The following IL4R variants were observed in gnomAD, a reference collection of about 807,000 sequenced individuals.
The protein encoded by IL4R is interleukin 4 receptor.
In IL4R, 17 loss-of-function variants were observed where a neutral mutation model predicts 41.5. The ratio of observed to expected loss-of-function variants is 0.41; its 90% CI spans 0.28 to 0.61. The LOEUF is 0.61. Ranked by LOEUF, IL4R falls within the 20% of genes least tolerant of loss-of-function variation. The pLI is 0.31. For synonymous variants in IL4R, 402 were observed against 422.9 expected (o/e 0.95, Z 0.61); for missense variants, 974 against 1,043.1 (o/e 0.93, Z 0.91).
intron 1 of IL4R, among the ~76,000 whole-genome samples, chr16:27,329,140 T>C (rs985935396): frequency 1.3e-5 from 2 of 152,034 alleles, no homozygotes; most frequent in Non-Finnish European, 2.9e-5. Context: ...GGCACCTCCC[T>C]CCTCTCTCTT....
intron 1 of IL4R, among the ~76,000 whole-genome samples, chr16:27,325,977 C>G (rs1240934655): frequency 6.6e-6 from 1 of 152,138 alleles, no homozygotes; most frequent in East Asian, 1.9e-4. Context: ...CCTTCCTGTT[C>G]TCTCTCCCGC....
intron 10 of IL4R, chr16:27,361,073 C>T (rs892846468): frequency 4.4e-6 from 6 of 1,372,008 alleles, no homozygotes; most frequent in South Asian, 3.2e-5. Context: ...CCAGAGCAGC[C>T]GTGCCTGTTG....
chr16:27,351,098 G>A (rs1297769783), intron 6 of IL4R, among the ~76,000 whole-genome samples: 1 of 152,154 alleles, frequency 6.6e-6, no homozygotes, highest in Non-Finnish European at 1.5e-5. Context: ...TCAAGGTGTG[G>A]GATGGGGCTG....
intron 1 of IL4R, among the ~76,000 whole-genome samples, chr16:27,314,446 T>C (rs116289315): frequency 0.026 from 3,949 of 152,302 alleles, 164 homozygotes; most frequent in African/African-American, 0.089. Context: ...ATTTGAGTAG[T>C]AGGTCAGTGA....
rs771597376 is a variant in IL4R at position 27,345,041 on chromosome 16, CA to C, written c.361+22del. 1 of 1,487,362 alleles carries C rather than the reference CA, an allele frequency of 6.7e-7. No homozygotes were observed. The highest frequency in any genetic ancestry group is 9.0e-7 in the Non-Finnish European group (1 of 1,106,188). The allele number at this position is 1,487,362 out of a possible 1,614,324, so 92.1% of individuals were successfully genotyped here. A position where few individuals can be genotyped will look rare whatever the true frequency, so the allele number is the denominator to read the frequency against. On this transcript the variant is annotated intron_variant, in intron 5 of 10. Coordinates refer to ENST00000395762, the MANE Select transcript of IL4R (RefSeq NM_000418.4). The surrounding 1 kb of genome is among the most constrained non-coding windows in gnomAD (Gnocchi z 4.5). Reference sequence around the variant, plus strand: ...GCATGGTGAGCAGGGCGGAGTGCGGCAGGGGTGGCTGGGTGTGTTCCCACAG... The same window carrying C: ...GCATGGTGAGCAGGGCGGAGTGCGGCGGGGTGGCTGGGTGTGTTCCCACAG...
chr16:27,355,488 T>A (rs575440905), intron 7 of IL4R: 28 of 355,356 alleles, frequency 7.9e-5, no homozygotes, highest in Non-Finnish European at 1.5e-4. Context: ...GGACTTGTCC[T>A]GTGTCACACA....
intron 2 of IL4R, among the ~76,000 whole-genome samples, chr16:27,338,280 C>T (rs372251285): frequency 3.3e-5 from 5 of 151,414 alleles, no homozygotes; most frequent in South Asian, 2.1e-4. Context: ...TGCAGTGGTA[C>T]GGTCTTGGCT....
At chr16:27,359,052 A>T in intron 9 of IL4R, 58 bp downstream of exon 9, 1 of 1,334,062 alleles carries the variant, frequency 7.5e-7, no homozygotes, top group Non-Finnish European at 1.1e-6. Context: ...AGTGTGGTTC[A>T]GAACACCTGG....
rs1356931972 is a variant in IL4R, at chr16:27,340,263, G to A, written c.60G>A (p.Val20=). The change falls in exon 3 of 11, where the codon GTG becomes GTA. Residue 20 remains valine (V), a synonymous_variant. Transcript: ENST00000395762. ...TGAGCTGCCTGGTCCTGCTGCAGGT[G>A]GCAAGCTCTGGTAAGTCACCACTTC... The part of the protein sequence containing the change: ...FPVSCLVLLQ[V]ASSGNMKVLQ... 6.2e-7 allele frequency: 1 copy of A among 1,613,618 alleles called. No individual in the cohort carries two copies. Among genetic ancestry groups the A allele is most frequent in the Admixed American group, 1.7e-5 (1 of 59,988 alleles).
At chr16:27,315,935 G>C (rs1174636179) in intron 1 of IL4R, among the ~76,000 whole-genome samples, 1 of 152,130 alleles carries the variant, frequency 6.6e-6, no homozygotes, top group Non-Finnish European at 1.5e-5. Flanking sequence ...GATAACCTAA[G>C]GGTTTCCAAA....
At chr16:27,334,346 C>T (rs1430052446) in intron 2 of IL4R, 1 of 152,198 alleles carries the variant, frequency 6.6e-6, no homozygotes, top group Middle Eastern at 3.2e-3. Context: ...CATCTGTGAT[C>T]TCTCCTGAAA....
At chr16:27,325,598 A>G (rs973456730) in intron 1 of IL4R, among the ~76,000 whole-genome samples, 2 of 152,080 alleles carry the variant, frequency 1.3e-5, no homozygotes, top group Non-Finnish European at 2.9e-5. Flanking sequence ...AACCTTCAGA[A>G]TCATAAAATG....
intron 9 of IL4R, chr16:27,359,902 G>A (rs992392263): frequency 1.3e-5 from 6 of 447,632 alleles, no homozygotes; most frequent in Non-Finnish European, 2.7e-5. Context: ...CTGGCATTTG[G>A]GGCTGGGCTC....
chr16:27,333,152 T>A (rs1268124012), intron 2 of IL4R, among the ~76,000 whole-genome samples: 1 of 152,014 alleles, frequency 6.6e-6, no homozygotes, highest in African/African-American at 2.4e-5. Flanking sequence ...TTGTGAGATG[T>A]AACAGTCTAT....
At chr16:27,361,469 A>C (rs1204551376) in intron 10 of IL4R, among the ~76,000 whole-genome samples, 1 of 152,056 alleles carries the variant, frequency 6.6e-6, no homozygotes, top group African/African-American at 2.4e-5. Flanking sequence ...TACCAAAAAA[A>C]GTTTTTGTAA....
At chr16:27,353,626 C>A (rs929416009) in intron 7 of IL4R, among the ~76,000 whole-genome samples, 1 of 152,040 alleles carries the variant, frequency 6.6e-6, no homozygotes, top group African/African-American at 2.4e-5. Context: ...GGTCTCTTCC[C>A]TCCATTCTTT....
At position 27,364,148 on chromosome 16, in the gene IL4R, C is replaced by T. The variant is rs2086418070; in HGVS notation, c.*318C>T. 9.5e-6 allele frequency: 3 copies of T among 316,194 alleles called. No homozygotes were observed. The highest frequency in any genetic ancestry group is 4.5e-5 in the Admixed American group (1 of 21,984). 19.6% of individuals were successfully genotyped at this position (316,194 alleles called of 1,614,324 possible). A position where few individuals can be genotyped will look rare whatever the true frequency, so the allele number is the denominator to read the frequency against. On this transcript the variant is annotated 3_prime_UTR_variant, in exon 11 of 11. Coordinates refer to ENST00000395762, the MANE Select transcript of IL4R (RefSeq NM_000418.4). The stretch of plus-strand genomic sequence containing the variant: ...GTGAACGAGTTGTTGGCTGCTCCCT[C>T]CACAGCTTCTGCAGCAGACTGTCCC...
chr16:27,348,722 G>A (rs1203753743), intron 6 of IL4R, among the ~76,000 whole-genome samples: 1 of 152,216 alleles, frequency 6.6e-6, no homozygotes, highest in Non-Finnish European at 1.5e-5. Context: ...GAGAGAGGGT[G>A]CTGGTGGAGG....
chr16:27,349,535 A>T (rs3024591), intron 6 of IL4R, among the ~76,000 whole-genome samples: 2,165 of 152,270 alleles, frequency 0.014, 44 homozygotes, highest in African/African-American at 0.045. Flanking sequence ...CTGCATGATA[A>T]AAGGTTTATG....
Sources: gnomAD v4.1 joint callset for allele counts (sites outside exome capture counted in the v4.1 genomes callset) on GRCh38, gnomAD v4.1.1 for gene constraint, Gnocchi (gnomAD v3.1) non-coding constraint, MANE v1.5 for transcripts, NCBI Gene and HGNC (gene_info 2026-07-23, HGNC 2026-07-21) for gene names.